EYS: variants seen among roughly 807,000 people sequenced by gnomAD.
The protein encoded by EYS is protein eyes shut homolog.
In EYS, 250 loss-of-function variants were observed where a neutral mutation model predicts 282.1. The ratio of observed to expected loss-of-function variants is 0.89; its 90% CI spans 0.80 to 0.98. The LOEUF is 0.98. Ranked by LOEUF, EYS falls within the 50% of genes least tolerant of loss-of-function variation. EYS has a pLI of 0.00. For synonymous variants in EYS, 1,355 were observed against 1,282.9 expected (o/e 1.06, Z -1.20); for missense variants, 4,016 against 3,709.0 (o/e 1.08, Z -2.15).
At position 63,930,753 on chromosome 6, in the gene EYS, A is replaced by G. The variant is rs1764866577; in HGVS notation, c.7055+53630T>C. On this transcript the variant is annotated intron_variant, in intron 35 of 42. Transcript: ENST00000503581. ...GAAGACTCAGATTGACCCCTCCAAT[A>G]CTGCAGGAAAGTGGTGAGTGTTCTC... Among the ~76,000 whole-genome samples, 3 of 152,102 alleles carry G rather than the reference A, an allele frequency of 2.0e-5. No individual in the cohort carries two copies. The South Asian group carries it at 6.2e-4, about 32-fold the overall frequency.
chr6:64,003,451 A>G (rs559339513), intron 33 of EYS, among the ~76,000 whole-genome samples: 22 of 152,330 alleles, frequency 1.4e-4, no homozygotes, highest in African/African-American at 2.4e-5. Flanking sequence ...ATATGATTGG[A>G]TTAATTTGTA....
intron 1 of EYS, among the ~76,000 whole-genome samples, chr6:65,679,966 G>T (rs1291162060): frequency 1.3e-5 from 2 of 151,826 alleles, no homozygotes; most frequent in African/African-American, 4.8e-5. Flanking sequence ...AATTATGGTG[G>T]ATGGTACACA....
rs1436301701 is a variant in EYS, at chr6:64,337,329, T to A, written c.6079-30247A>T. Among the ~76,000 whole-genome samples, 4 of 151,816 alleles carry A rather than the reference T, an allele frequency of 2.6e-5. No individual in the cohort carries two copies. The East Asian group carries it at 7.7e-4, about 29-fold the overall frequency. ...ACAGACACCACTGAAATACAAAAGATCATTCAAGGCTACTATGAACACCTT... is the reference window on the plus strand; with the variant it reads ...ACAGACACCACTGAAATACAAAAGAACATTCAAGGCTACTATGAACACCTT... On this transcript the variant is annotated intron_variant, in intron 29 of 42. Coordinates refer to ENST00000503581, the MANE Select transcript of EYS (RefSeq NM_001142800.2).
At chr6:65,422,780 A>G (rs138030855) in intron 5 of EYS, among the ~76,000 whole-genome samples, 2,041 of 151,224 alleles carry the variant, frequency 0.013, 21 homozygotes, top group Non-Finnish European at 0.02. Context: ...ATAAATCAGG[A>G]CCAAAAAGCC....
At chr6:64,655,967 A>G (rs1293139014) in intron 22 of EYS, among the ~76,000 whole-genome samples, 2 of 152,166 alleles carry the variant, frequency 1.3e-5, no homozygotes, top group Non-Finnish European at 2.9e-5. Context: ...CAAAAAATAC[A>G]TGTGATGGAA....
At chr6:63,935,181 T>C (rs1765020200) in intron 35 of EYS, among the ~76,000 whole-genome samples, 1 of 152,228 alleles carries the variant, frequency 6.6e-6, no homozygotes, top group South Asian at 2.1e-4. Flanking sequence ...TCAGCTGGGA[T>C]AGAAGCTGCC....
At chr6:63,915,566 A>T (rs1377384637) in intron 35 of EYS, among the ~76,000 whole-genome samples, 1 of 152,218 alleles carries the variant, frequency 6.6e-6, no homozygotes, top group Non-Finnish European at 1.5e-5. Context: ...GTAAGGCTAT[A>T]GCTGCCATAA....
chr6:65,147,504 T>C (rs6934527), intron 12 of EYS, among the ~76,000 whole-genome samples: 4,272 of 152,180 alleles, frequency 0.028, 153 homozygotes, highest in African/African-American at 0.085. Context: ...TATTATTATA[T>C]ATTTCCCTTA....
chr6:63,952,995 T>A (rs1053191565), intron 35 of EYS, among the ~76,000 whole-genome samples: 4 of 152,216 alleles, frequency 2.6e-5, no homozygotes, highest in Admixed American at 6.5e-5. Flanking sequence ...ACTGGACAAG[T>A]CTTACAGGTT....
chr6:64,256,583 G>T (rs1294531215), intron 30 of EYS, among the ~76,000 whole-genome samples: 1 of 152,016 alleles, frequency 6.6e-6, no homozygotes, highest in Non-Finnish European at 1.5e-5. Context: ...AGGAGCAGAA[G>T]AAAAGCCTCT....
At chr6:64,297,112 G>A (rs917132246) in intron 30 of EYS, among the ~76,000 whole-genome samples, 5 of 152,052 alleles carry the variant, frequency 3.3e-5, no homozygotes, top group Admixed American at 1.3e-4. Context: ...AGCTTGTGAC[G>A]GCCATGGTGG....
rs574224251 is a variant in EYS at position 64,374,154 on chromosome 6, G to T, written c.6078+14536C>A. On this transcript the variant is annotated intron_variant, in intron 29 of 42. Coordinates refer to ENST00000503581, the MANE Select transcript of EYS (RefSeq NM_001142800.2). ...GGAGACCACTGGGCTGAAAGCTGGT[G>T]CCAAATTCCCTTTGGTAGGGTTGGC... 1.5e-4 allele frequency among the ~76,000 whole-genome samples: 21 copies of T among 141,724 alleles called. 1 individual carries two copies. The South Asian group carries it at 5.1e-3, about 35-fold the overall frequency. 93.0% of individuals were successfully genotyped at this position (141,724 alleles called of 152,430 possible).
intron 29 of EYS, chr6:64,379,848 G>A (rs988539490): frequency 5.3e-5 from 8 of 152,036 alleles, no homozygotes; most frequent in South Asian, 2.1e-4. Flanking sequence ...TAGAATCATC[G>A]TGAACTGGAA....
intron 22 of EYS, among the ~76,000 whole-genome samples, chr6:64,646,114 T>C (rs1278386216): frequency 2.0e-5 from 3 of 152,198 alleles, no homozygotes. Flanking sequence ...AGCTATAGAA[T>C]CTCAGAAAAA....
chr6:64,020,322 T>C (rs1413733412), intron 33 of EYS, among the ~76,000 whole-genome samples: 23 of 152,184 alleles, frequency 1.5e-4, no homozygotes, highest in Admixed American at 1.3e-3. Flanking sequence ...ATTTTACATG[T>C]ACCTATAAAT....
intron 32 of EYS, among the ~76,000 whole-genome samples, chr6:64,073,804 ATATAG>A (rs1484437900): frequency 1.3e-5 from 2 of 151,648 alleles, no homozygotes; most frequent in African/African-American, 4.8e-5. Context: ...TTGCAAATAT[ATATAG>A]GGCAAATGTT....
At chr6:64,023,394 C>T (rs1003842686) in intron 33 of EYS, among the ~76,000 whole-genome samples, 8 of 152,162 alleles carry the variant, frequency 5.3e-5, no homozygotes, top group African/African-American at 9.7e-5. Flanking sequence ...ATAGTAAATA[C>T]GTGTTTAACT....
At chr6:64,280,577 C>T (rs909050681) in intron 30 of EYS, among the ~76,000 whole-genome samples, 35 of 152,198 alleles carry the variant, frequency 2.3e-4, no homozygotes, top group Non-Finnish European at 4.6e-4. Flanking sequence ...TTGTGTACAA[C>T]ACCGTATAAA....
intron 31 of EYS, among the ~76,000 whole-genome samples, chr6:64,220,808 G>T (rs191029030): frequency 6.6e-6 from 1 of 152,250 alleles, no homozygotes; most frequent in South Asian, 2.1e-4. Flanking sequence ...GGATTAGATA[G>T]GTAGAATAGT....
Sources: allele counts gnomAD v4.1 joint callset (sites outside exome capture counted in the v4.1 genomes callset), GRCh38; gene constraint gnomAD v4.1.1; transcripts MANE v1.5; gene names NCBI Gene and HGNC (gene_info 2026-07-23, HGNC 2026-07-21).